HRK: variants seen among roughly 807,000 people sequenced by gnomAD.
HRK encodes the protein activator of apoptosis harakiri.
A neutral mutation model predicts 5.9 loss-of-function variants in HRK; 6 were observed. The observed-to-expected ratio is 1.02, with a 90% CI of 0.56 to 2.01. The LOEUF (loss-of-function observed/expected upper bound fraction) is 2.01, where lower values mean the gene tolerates loss of function less well. HRK is among the 30% of genes most tolerant of loss of function. The pLI, the probability that HRK is intolerant of heterozygous loss-of-function variation, is 0.00. For missense variants in HRK, 133 were observed against 128.3 expected, an observed-to-expected ratio of 1.04 and a Z score of -0.18; for synonymous variants, 85 against 65.1, an observed-to-expected ratio of 1.31 and a Z score of -1.47.
rs927595374 is a variant in HRK, at chr12:116,857,253, A to G, written c.*4270T>C. 8 of 152,240 alleles carry G rather than the reference A, an allele frequency of 5.3e-5. No individual in the cohort carries two copies. Among genetic ancestry groups the G allele is most frequent in the Non-Finnish European group, 1.0e-4 (7 of 68,030 alleles). 9.4% of individuals were successfully genotyped at this position (152,240 alleles called of 1,614,324 possible). Reference sequence around the variant, plus strand: ...TGAGATGGAATTCTACAACTGGCACATTGTAGATGCTCAATCAATATATGC... The same window carrying G: ...TGAGATGGAATTCTACAACTGGCACGTTGTAGATGCTCAATCAATATATGC... On this transcript the variant is annotated 3_prime_UTR_variant, in exon 2 of 2. Transcript: ENST00000257572.
At chr12:116,876,592 C>G (rs1406570499) in intron 1 of HRK, 2 of 152,528 alleles carry the variant, frequency 1.3e-5, no homozygotes, top group African/African-American at 4.8e-5. Flanking sequence ...CCCCGACTCC[C>G]AGGCAGATTC....
chr12:116,858,137 G>C lies in HRK; in HGVS notation c.*3386C>G, dbSNP rs996863896. 6 of 66,122 alleles carry C rather than the reference G, an allele frequency of 9.1e-5. No individual in the cohort carries two copies. The South Asian group carries it at 1.9e-3, about 21-fold the overall frequency. 4.1% of individuals were successfully genotyped at this position (66,122 alleles called of 1,614,324 possible). ...GCGGCTAAAAAAAAAAAAAAAAAACGAACAAAAAAACAGGAACTGGGCTCT... is the reference window on the plus strand; with the variant it reads ...GCGGCTAAAAAAAAAAAAAAAAAACCAACAAAAAAACAGGAACTGGGCTCT... On this transcript the variant is annotated 3_prime_UTR_variant, in exon 2 of 2. Coordinates refer to ENST00000257572, the MANE Select transcript of HRK (RefSeq NM_003806.4).
rs573483316 is a variant in HRK at position 116,881,124 on chromosome 12, G to T, written c.184C>A (p.Pro62Thr). The stretch of plus-strand genomic sequence containing the variant: ...GGCCAGTAGGTGGGGAGCGCGCCGG[G>T]CGCCGGCGCCCTCCGGCTCCGCGCG... ...RRARSRRAPAPGALPTYWPWL... is the reference protein window; with the variant it reads ...RRARSRRAPATGALPTYWPWL... Residue 62 changes from proline (P) to threonine (T), a missense_variant, in exon 1 of 2, where the codon CCC (proline) becomes ACC (threonine). Pro to Thr is a conservative substitution (Grantham distance 38, BLOSUM62 -1). Transcript: ENST00000257572. The T allele has an allele frequency of 8.2e-6, 10 of 1,218,274 alleles. No individual in the cohort carries two copies. The highest frequency in any genetic ancestry group is 9.2e-6 in the Non-Finnish European group (9 of 980,232). 75.5% of individuals were successfully genotyped at this position (1,218,274 alleles called of 1,614,324 possible). A position where few individuals can be genotyped will look rare whatever the true frequency, so the allele number is the denominator to read the frequency against.
At position 116,858,277 on chromosome 12, in the gene HRK, C is replaced by T. The variant is rs956434944; in HGVS notation, c.*3246G>A. The T allele has an allele frequency of 2.0e-5, 3 of 151,820 alleles. No individual in the cohort carries two copies. The highest frequency in any genetic ancestry group is 4.4e-5 in the Non-Finnish European group (3 of 67,996). The allele number at this position is 151,820 out of a possible 1,614,324, so 9.4% of individuals were successfully genotyped here. The stretch of plus-strand genomic sequence containing the variant: ...CAGCCATTGGGGCCAATGGGCTCCC[C>T]AGAGAAACTTCCTACTCAAGCTACA... On this transcript the variant is annotated 3_prime_UTR_variant, in exon 2 of 2. Coordinates refer to ENST00000257572, the MANE Select transcript of HRK (RefSeq NM_003806.4).
intron 1 of HRK, among the ~76,000 whole-genome samples, chr12:116,865,806 C>A (rs919702826): frequency 6.6e-6 from 1 of 152,080 alleles, no homozygotes; most frequent in Non-Finnish European, 1.5e-5. Context: ...CAACGCCCAG[C>A]GTATACTAGG....
Position 116,858,574 on chromosome 12 carries a change from TCACA to T in HRK, c.*2945_*2948del, listed in dbSNP as rs55713149. 0.31 allele frequency: 38,042 copies of T among 120,852 alleles called. 6,500 individuals carry two copies. Among genetic ancestry groups the T allele is most frequent in the Admixed American group, 0.49 (5,519 of 11,280 alleles). 7.5% of individuals were successfully genotyped at this position (120,852 alleles called of 1,614,324 possible). On this transcript the variant is annotated 3_prime_UTR_variant, in exon 2 of 2. Coordinates refer to ENST00000257572, the MANE Select transcript of HRK (RefSeq NM_003806.4). ...CAGAGGCCTCCCTCTGCTTGTACGG[TCACA>T]CACACACACACACACACACACACAC...
Position 116,862,714 on chromosome 12 carries a change from T to G in HRK, c.*57-1248A>C, listed in dbSNP as rs1317506287. ...ACCTTAAAAAGGTAGGGTTTTTTGT[T>G]TGTTTGTTTGTTTGTTTGTTTGTTT... On this transcript the variant is annotated intron_variant, in intron 1 of 1. Transcript: ENST00000257572. This position sits in a 1 kb window ranked among gnomAD's most constrained non-coding sequence, Gnocchi z 4.0. Among the ~76,000 whole-genome samples the G allele has an allele frequency of 4.0e-5, 1 of 25,028 alleles. No individual in the cohort carries two copies. The highest frequency in any genetic ancestry group is 7.0e-5 in the African/African-American group (1 of 14,198). 16.4% of individuals were successfully genotyped at this position (25,028 alleles called of 152,430 possible). A position where few individuals can be genotyped will look rare whatever the true frequency, so the allele number is the denominator to read the frequency against.
At chr12:116,876,022 G>A (rs187845954) in intron 1 of HRK, among the ~76,000 whole-genome samples, 11 of 152,090 alleles carry the variant, frequency 7.2e-5, no homozygotes, top group South Asian at 4.2e-4. Context: ...CCCACCTCTC[G>A]TTATCTGCCT....
chr12:116,881,240 A>G lies in HRK; in HGVS notation c.68T>C (p.Leu23Pro), dbSNP rs1879144373. The change falls in exon 1 of 2, where the codon CTG becomes CCG. Residue 23 changes from leucine (L) to proline (P), a missense_variant. By Grantham distance (98) the Leu-to-Pro change is moderately conservative (BLOSUM62 -3). Coordinates refer to ENST00000257572, the MANE Select transcript of HRK (RefSeq NM_003806.4). The stretch of plus-strand genomic sequence containing the variant: ...CTGCGCGGCGGACGAGCGCAGCCCC[A>G]GGCGACCCGCGCTGCAGGCGCACAC... ...PAVCACSAGR[L>P]GLRSSAAQLT... 2.7e-6 allele frequency: 3 copies of G among 1,096,928 alleles called. No individual in the cohort carries two copies. In the South Asian group the frequency reaches 1.3e-4, roughly 48 times the overall value. 67.9% of individuals were successfully genotyped at this position (1,096,928 alleles called of 1,614,324 possible).
At chr12:116,869,622 C>T (rs1878674001) in intron 1 of HRK, 1 of 152,212 alleles carries the variant, frequency 6.6e-6, no homozygotes, top group South Asian at 2.1e-4. Context: ...GTCGGCCTGA[C>T]TCCAAAATTC....
At chr12:116,867,466 A>G (rs753988476) in intron 1 of HRK, among the ~76,000 whole-genome samples, 1 of 152,092 alleles carries the variant, frequency 6.6e-6, no homozygotes, top group Non-Finnish European at 1.5e-5. Flanking sequence ...TAATTAGCCA[A>G]TTGTGGTGGT....
At chr12:116,863,798 A>G (rs2137244162) in intron 1 of HRK, among the ~76,000 whole-genome samples, 1 of 152,114 alleles carries the variant, frequency 6.6e-6, no homozygotes, top group East Asian at 1.9e-4. Flanking sequence ...TCCTGAGCTC[A>G]AGCGATCCTC....
chr12:116,864,486 G>C (rs1390593353), intron 1 of HRK, among the ~76,000 whole-genome samples: 1 of 152,156 alleles, frequency 6.6e-6, no homozygotes, highest in African/African-American at 2.4e-5. Context: ...ACAATTACCA[G>C]GGAAGCTTCA....
intron 1 of HRK, chr12:116,869,368 T>TTATA (rs1293710408): frequency 3.2e-4 from 48 of 152,336 alleles, no homozygotes; most frequent in African/African-American, 1.1e-3. Flanking sequence ...ATCCTTGTAC[T>TTATA]GCACTGGAGT....
At chr12:116,873,929 T>C (rs180677704) in intron 1 of HRK, among the ~76,000 whole-genome samples, 2 of 152,026 alleles carry the variant, frequency 1.3e-5, no homozygotes, top group Admixed American at 1.3e-4. Context: ...GGGGCACCAG[T>C]TTAGAGCAGG....
intron 1 of HRK, among the ~76,000 whole-genome samples, chr12:116,875,826 G>T (rs957110942): frequency 6.6e-6 from 1 of 152,116 alleles, no homozygotes; most frequent in Non-Finnish European, 1.5e-5. Context: ...TTACAGGTGT[G>T]AGCCAGCATA....
chr12:116,881,063 GC>G lies in HRK; in HGVS notation c.244del (p.Ala82ArgfsTer32). On this transcript the variant is annotated frameshift_variant, in exon 1 of 2. Transcript: ENST00000257572. LOFTEE classifies it high-confidence loss of function. Reference sequence around the variant, plus strand: ...GTTCCGCCTGCCGAGCAGCCAGGCCGCCAGCGCCGCCACCTGCGCGGCCGCG... The same window carrying G: ...GTTCCGCCTGCCGAGCAGCCAGGCCGCAGCGCCGCCACCTGCGCGGCCGCG... ...LCAAAQVAAL[A>X]AWLLGRRNL 2 of 1,354,704 alleles carry G rather than the reference GC, an allele frequency of 1.5e-6. No homozygotes were observed. Among genetic ancestry groups the G allele is most frequent in the Non-Finnish European group, 1.9e-6 (2 of 1,053,850 alleles). The allele number at this position is 1,354,704 out of a possible 1,614,324, so 83.9% of individuals were successfully genotyped here.
At chr12:116,864,075 C>T (rs1878454803) in intron 1 of HRK, among the ~76,000 whole-genome samples, 1 of 152,166 alleles carries the variant, frequency 6.6e-6, no homozygotes, top group Non-Finnish European at 1.5e-5. Flanking sequence ...CATATATTTT[C>T]ATAGAATATG....
chr12:116,869,880 G>A (rs181182625), intron 1 of HRK, among the ~76,000 whole-genome samples: 13 of 152,090 alleles, frequency 8.5e-5, no homozygotes, highest in Admixed American at 6.6e-4. Context: ...AGGAGTTAGA[G>A]CACCAAACTG....
Sources: gnomAD v4.1 joint callset for allele counts (sites outside exome capture counted in the v4.1 genomes callset) on GRCh38, gnomAD v4.1.1 for gene constraint, Gnocchi (gnomAD v3.1) non-coding constraint, MANE v1.5 for transcripts, NCBI Gene and HGNC (gene_info 2026-07-23, HGNC 2026-07-21) for gene names.